DCC: variants seen among roughly 807,000 people sequenced by gnomAD.
The protein encoded by DCC is netrin receptor DCC.
DCC carries 58 observed loss-of-function variants against 172.5 expected under a neutral mutation model. The observed-to-expected ratio is 0.34, with a 90% CI of 0.27 to 0.42. The LOEUF (loss-of-function observed/expected upper bound fraction) is 0.42, where lower values mean the gene tolerates loss of function less well. Ranked by LOEUF, DCC falls within the 10% of genes least tolerant of loss-of-function variation. The pLI is 1.00. For missense variants in DCC, 1,740 were observed against 1,791.0 expected (o/e 0.97, Z 0.51); for synonymous variants, 709 against 644.5 (o/e 1.10, Z -1.52).
chr18:53,312,404 C>G (rs2057285740), intron 13 of DCC, among the ~76,000 whole-genome samples: 1 of 148,112 alleles, frequency 6.8e-6, no homozygotes, highest in African/African-American at 2.5e-5. Flanking sequence ...GCTAGAGGAG[C>G]TGACTAACTC....
At chr18:52,956,363 T>A (rs1264390846) in intron 5 of DCC, among the ~76,000 whole-genome samples, 1 of 152,106 alleles carries the variant, frequency 6.6e-6, no homozygotes, top group Non-Finnish European at 1.5e-5. Flanking sequence ...AATGATCAAT[T>A]GACTACATTT....
intron 2 of DCC, among the ~76,000 whole-genome samples, chr18:52,839,849 T>C (rs2038773574): frequency 6.6e-6 from 1 of 152,200 alleles, no homozygotes; most frequent in Non-Finnish European, 1.5e-5. Context: ...TGTTGAAGAC[T>C]GGTTAGTTGG....
At chr18:53,368,331 A>T (rs1451157871) in intron 15 of DCC, among the ~76,000 whole-genome samples, 1 of 152,110 alleles carries the variant, frequency 6.6e-6, no homozygotes. Flanking sequence ...TATTGTGCAT[A>T]TTAATATTTT....
At chr18:52,414,243 G>C (rs1219902953) in intron 1 of DCC, among the ~76,000 whole-genome samples, 1 of 151,968 alleles carries the variant, frequency 6.6e-6, no homozygotes, top group African/African-American at 2.4e-5. Flanking sequence ...ACCATGCCTG[G>C]CTAATTATTT....
chr18:52,381,690 G>T (rs1426056432), intron 1 of DCC, among the ~76,000 whole-genome samples: 1 of 152,074 alleles, frequency 6.6e-6, no homozygotes, highest in Non-Finnish European at 1.5e-5. Flanking sequence ...AATATTTGCA[G>T]ATCCTCAACT....
intron 1 of DCC, among the ~76,000 whole-genome samples, chr18:52,665,432 C>T (rs1436766521): frequency 6.6e-6 from 1 of 152,168 alleles, no homozygotes; most frequent in Non-Finnish European, 1.5e-5. Flanking sequence ...AATTACATAT[C>T]ATTAATTATA....
chr18:53,521,003 A>T (rs778504496), intron 27 of DCC, among the ~76,000 whole-genome samples: 9 of 152,010 alleles, frequency 5.9e-5, no homozygotes, highest in Non-Finnish European at 1.0e-4. Flanking sequence ...AATTAATTCT[A>T]CCTTCCTCTC....
chr18:52,757,157 C>A (rs762288983), intron 2 of DCC: 3 of 152,150 alleles, frequency 2.0e-5, no homozygotes, highest in Non-Finnish European at 4.4e-5. Context: ...ACCACTGGAT[C>A]TACTATTATG....
intron 2 of DCC, among the ~76,000 whole-genome samples, chr18:52,890,127 T>G (rs184682923): frequency 6.6e-6 from 1 of 151,814 alleles, no homozygotes; most frequent in Non-Finnish European, 1.5e-5. Context: ...AATAGAAAAA[T>G]AGATTTGATT....
intron 1 of DCC, among the ~76,000 whole-genome samples, chr18:52,401,991 G>A (rs1986457906): frequency 1.3e-5 from 2 of 151,970 alleles, no homozygotes; most frequent in Admixed American, 1.3e-4. Flanking sequence ...ATTATAGGAT[G>A]TAAAATTTCA....
chr18:52,441,074 A>G (rs1987956549), intron 1 of DCC, among the ~76,000 whole-genome samples: 1 of 152,244 alleles, frequency 6.6e-6, no homozygotes, highest in African/African-American at 2.4e-5. Flanking sequence ...GAGGCTATGG[A>G]CATAAGAAAA....
At chr18:53,507,563 G>A (rs539344993) in intron 27 of DCC, among the ~76,000 whole-genome samples, 7 of 152,116 alleles carry the variant, frequency 4.6e-5, no homozygotes, top group Admixed American at 4.6e-4. Context: ...TTATCTCCAG[G>A]ATCTCCTTAT....
At chr18:53,428,800 T>C (rs867364308) in intron 21 of DCC, among the ~76,000 whole-genome samples, 79 of 32,662 alleles carry the variant, frequency 2.4e-3, no homozygotes, top group African/African-American at 7.6e-3. Flanking sequence ...AAATTATATA[T>C]TATATATTTT....
At chr18:53,145,180 T>G (rs2144360355) in intron 7 of DCC, among the ~76,000 whole-genome samples, 1 of 134,012 alleles carries the variant, frequency 7.5e-6, no homozygotes, top group East Asian at 2.6e-4. Flanking sequence ...AGTGGCGCGA[T>G]CTCGGCTCAC....
chr18:53,170,292 A>G (rs1298164073), intron 8 of DCC, among the ~76,000 whole-genome samples: 3 of 152,210 alleles, frequency 2.0e-5, no homozygotes, highest in Admixed American at 1.3e-4. Context: ...AGTGTCCCTC[A>G]GAGAGCAGTT....
At chr18:52,923,878 T>A (rs887770343) in intron 4 of DCC, 21 bp downstream of exon 4, 5 of 1,592,888 alleles carry the variant, frequency 3.1e-6, no homozygotes, top group African/African-American at 1.3e-5. Flanking sequence ...TTTAAGACTT[T>A]TTTGTAAAGT....
chr18:53,314,810 A>G (rs1568050283), intron 13 of DCC, among the ~76,000 whole-genome samples: 2 of 152,168 alleles, frequency 1.3e-5, no homozygotes, highest in Admixed American at 1.3e-4. Flanking sequence ...ACAGGATGCT[A>G]AAACTTCCCT....
rs78409986 is a variant in DCC at position 52,752,855 on chromosome 18, T to C, written c.412+481T>C. ...CCTGTAAGTGAGATCATGCAGTATTTTTCTTTCAGTGCCTGGCATGTTTCC... is the reference window on the plus strand; with the variant it reads ...CCTGTAAGTGAGATCATGCAGTATTCTTCTTTCAGTGCCTGGCATGTTTCC... On this transcript the variant is annotated intron_variant, in intron 2 of 28. Transcript: ENST00000442544. Among the ~76,000 whole-genome samples the C allele has an allele frequency of 2.0e-3, 309 of 152,270 alleles. 1 individual carries two copies. The highest frequency in any genetic ancestry group is 7.1e-3 in the African/African-American group (294 of 41,552).
At chr18:52,473,929 C>T (rs1218038499) in intron 1 of DCC, among the ~76,000 whole-genome samples, 1 of 152,096 alleles carries the variant, frequency 6.6e-6, no homozygotes, top group Non-Finnish European at 1.5e-5. Flanking sequence ...TTCCACCTTC[C>T]TCTTCTGACA....
Sources: gnomAD v4.1 joint callset for allele counts (sites outside exome capture counted in the v4.1 genomes callset) on GRCh38, gnomAD v4.1.1 for gene constraint, MANE v1.5 for transcripts, NCBI Gene and HGNC (gene_info 2026-07-23, HGNC 2026-07-21) for gene names.